Variants in ANKHD1 observed in about 807,000 individuals in gnomAD.
The protein encoded by ANKHD1 is ankyrin repeat and KH domain-containing protein 1.
In ANKHD1, 31 loss-of-function variants were observed where a neutral mutation model predicts 230.5. The observed-to-expected ratio is 0.13, with a 90% confidence interval of 0.10 to 0.18. The LOEUF (loss-of-function observed/expected upper bound fraction) is 0.18. ANKHD1 is among the 10% of genes least tolerant of loss of function. The probability of loss-of-function intolerance (pLI) is 1.00; values close to 1 mark genes in which losing one functional copy is unlikely to be tolerated. For missense variants in ANKHD1, 2,256 were observed against 3,071.3 expected, an observed-to-expected ratio of 0.73 and a Z score of 6.27; for synonymous variants, 1,074 against 1,117.6, an observed-to-expected ratio of 0.96 and a Z score of 0.78.
Position 140,402,282 on chromosome 5 carries a change from C to G in ANKHD1, c.306+9C>G. On this transcript the variant is annotated intron_variant, in intron 1 of 33. Transcript: ENST00000360839. ...AGGACGAAGTGTCCGAGGTAAGGCT[C>G]CGGGACCCTCGCCTCCCACACATTG... is the stretch of plus-strand genomic sequence containing the variant. 6.8e-7 allele frequency: 1 copy of G among 1,466,682 alleles called. No homozygotes were observed. Among genetic ancestry groups the G allele is most frequent in the East Asian group, 2.8e-5 (1 of 35,468 alleles). 90.9% of individuals were successfully genotyped at this position (1,466,682 alleles called of 1,614,324 possible). A position where few individuals can be genotyped will look rare whatever the true frequency, so the allele number is the denominator to read the frequency against.
At chr5:140,494,893 A>G (rs967668099) in intron 14 of ANKHD1, among the ~76,000 whole-genome samples, 9 of 152,232 alleles carry the variant, frequency 5.9e-5, no homozygotes, top group African/African-American at 2.2e-4. Context: ...TTTATTGTTT[A>G]ATTTACATAC....
In ANKHD1 at chr5:140,528,440, A is replaced by C; in HGVS notation, c.5494A>C (p.Asn1832His). The C allele has an allele frequency of 1.2e-6, 2 of 1,614,126 alleles. No homozygotes were observed. Among genetic ancestry groups the C allele is most frequent in the East Asian group, 2.2e-5 (1 of 44,874 alleles). The change falls in exon 29 of 34, where the codon AAT becomes CAT. Residue 1832 changes from asparagine (N) to histidine (H), a missense_variant. Around this residue, in one of 13 missense-constraint regions of ANKHD1, gnomAD observed 778 missense variants for 966.5 expected, o/e 0.80. Transcript: ENST00000360839. The part of the protein sequence containing the change: ...LSTFQPANKL[N>H]KNVPTNVRSS... ...TACGTTCCAGCCCGCTAATAAACTT[A>C]ATAAGAATGTTCCAACAAATGTACG...
At chr5:140,417,833 CTTTTTTTTTTT>C in intron 1 of ANKHD1, among the ~76,000 whole-genome samples, 1 of 106,822 alleles carries the variant, frequency 9.4e-6, no homozygotes, top group Non-Finnish European at 1.8e-5. Flanking sequence ...CCCATATAGT[CTTTTTTTTTTT>C]TTTTTTTTTT....
At chr5:140,403,382 C>T (rs1455389857) in intron 1 of ANKHD1, among the ~76,000 whole-genome samples, 4 of 151,956 alleles carry the variant, frequency 2.6e-5, no homozygotes. Context: ...TAGGCATTAA[C>T]TTCTTTTGGG....
chr5:140,410,597 A>G (rs1052989316), intron 1 of ANKHD1, among the ~76,000 whole-genome samples: 1 of 152,200 alleles, frequency 6.6e-6, no homozygotes, highest in African/African-American at 2.4e-5. Flanking sequence ...TGTAATAAAT[A>G]AAATCAATTC....
chr5:140,504,447 AT>A (rs1164360634), intron 15 of ANKHD1, among the ~76,000 whole-genome samples: 4 of 152,112 alleles, frequency 2.6e-5, no homozygotes, highest in African/African-American at 7.2e-5. Flanking sequence ...ATTTTTGGAA[AT>A]TTTTTTTCCT....
chr5:140,495,889 C>G (rs1436069350), intron 14 of ANKHD1, among the ~76,000 whole-genome samples: 2 of 152,092 alleles, frequency 1.3e-5, no homozygotes, highest in East Asian at 3.9e-4. Flanking sequence ...TAACAGTGTT[C>G]CAGTACAGAT....
chr5:140,402,460 A>G (rs545873164), intron 1 of ANKHD1, among the ~76,000 whole-genome samples, 187 bp downstream of exon 1: 60 of 152,260 alleles, frequency 3.9e-4, no homozygotes, highest in Admixed American at 3.2e-3. Context: ...CTCGAGCGGG[A>G]CAGGTTCCCG....
chr5:140,513,552 T>C, intron 24 of ANKHD1, 73 bp downstream of exon 24: 1 of 1,492,014 alleles, frequency 6.7e-7, no homozygotes, highest in Non-Finnish European at 9.1e-7. Context: ...CTCACGCCTA[T>C]GATCCCAGCA....
chr5:140,444,961 C>T (rs1350140851), intron 5 of ANKHD1, among the ~76,000 whole-genome samples: 1 of 151,992 alleles, frequency 6.6e-6, no homozygotes, highest in African/African-American at 2.4e-5. Context: ...TGAAGTGATC[C>T]TCCCACCTCT....
chr5:140,402,228 G>A lies in ANKHD1; in HGVS notation c.261G>A (p.Gly87=). 1.3e-6 allele frequency: 2 copies of A among 1,518,578 alleles called. No individual in the cohort carries two copies. The allele number at this position is 1,518,578 out of a possible 1,614,324, so 94.1% of individuals were successfully genotyped here. Residue 87 remains glycine (G), a synonymous_variant, in exon 1 of 34, where the codon GGG becomes GGA. Coordinates refer to ENST00000360839, the MANE Select transcript of ANKHD1 (RefSeq NM_017747.3). ...FKLAAAVLRT[G]GGGGASGSDE... ...TGGCGGCTGCCGTGCTGAGGACCGG[G>A]GGTGGAGGTGGTGCCTCTGGCAGTG... is the stretch of plus-strand genomic sequence containing the variant.
intron 15 of ANKHD1, among the ~76,000 whole-genome samples, chr5:140,498,713 G>A (rs867909761): frequency 2.0e-5 from 3 of 152,034 alleles, no homozygotes; most frequent in Non-Finnish European, 2.9e-5. Context: ...GTATGATTAC[G>A]AATAATAATG....
intron 5 of ANKHD1, among the ~76,000 whole-genome samples, chr5:140,444,339 A>G (rs549934376): frequency 3.9e-5 from 6 of 152,268 alleles, no homozygotes; most frequent in Non-Finnish European, 5.9e-5. Context: ...TTTCTAGTCA[A>G]GTTCGTATTT....
At position 140,539,788 on chromosome 5, in the gene ANKHD1, G is replaced by A. The variant is rs532037320; in HGVS notation, c.*370G>A. On this transcript the variant is annotated 3_prime_UTR_variant, in exon 34 of 34. Coordinates refer to ENST00000360839, the MANE Select transcript of ANKHD1 (RefSeq NM_017747.3). ...ATTTCTTGTCATATAGTGGCTCTAC[G>A]TAATGTAGCCTGTATTAATGTGAAA... 4 of 172,486 alleles carry A rather than the reference G, an allele frequency of 2.3e-5. No individual in the cohort carries two copies. Among genetic ancestry groups the A allele is most frequent in the Admixed American group, 1.2e-4 (2 of 16,920 alleles). The allele number at this position is 172,486 out of a possible 1,614,324, so 10.7% of individuals were successfully genotyped here.
chr5:140,402,050 C>T lies in ANKHD1; in HGVS notation c.83C>T (p.Ala28Val). ...GCTCCGCGATCCGCCCCAGCTGGGG[C>T]CTCGGAGCCGCCTCCGCCGGGAGGG... ...SVAPRSAPAGASEPPPPGGVG... is the reference protein window; with the variant it reads ...SVAPRSAPAGVSEPPPPGGVG... Residue 28 changes from alanine (A) to valine (V), a missense_variant, in exon 1 of 34, where the codon GCC becomes GTC. This residue lies in a region of ANKHD1 where 193 missense variants were observed against 185.8 expected (regional missense o/e 1.04). Transcript: ENST00000360839. The T allele has an allele frequency of 6.7e-7, 1 of 1,493,064 alleles. No individual in the cohort carries two copies. The highest frequency in any genetic ancestry group is 1.4e-5 in the South Asian group (1 of 74,036). 92.5% of individuals were successfully genotyped at this position (1,493,064 alleles called of 1,614,324 possible). A position where few individuals can be genotyped will look rare whatever the true frequency, so the allele number is the denominator to read the frequency against.
intron 1 of ANKHD1, among the ~76,000 whole-genome samples, chr5:140,428,100 T>C (rs1772687968): frequency 6.6e-6 from 1 of 150,976 alleles, no homozygotes; most frequent in Admixed American, 6.6e-5. Flanking sequence ...GAGGTGCTCC[T>C]CACTTCCTAG....
Position 140,496,966 on chromosome 5 carries a change from C to A in ANKHD1, c.2692C>A (p.Gln898Lys), listed in dbSNP as rs930974567. ...AGAGGATCACTTTTCAGAGTTACCT[C>A]AGGTTGACACAATCTTATTTAAAGA... ...LPEDHFSELP[Q>K]VDTILFKDND... is the part of the protein sequence containing the mutation. The change falls in exon 15 of 34, where the codon CAG (glutamine) becomes AAG (lysine). Residue 898 changes from glutamine to lysine, a missense_variant. Around this residue, in one of 13 missense-constraint regions of ANKHD1, gnomAD observed 358 missense variants for 397.7 expected, o/e 0.90. Transcript: ENST00000360839. 6 of 1,614,050 alleles carry A rather than the reference C, an allele frequency of 3.7e-6. No individual in the cohort carries two copies. In the African/African-American group the frequency reaches 5.3e-5, roughly 14 times the overall value.
At chr5:140,494,312 G>A (rs1751932879) in intron 14 of ANKHD1, among the ~76,000 whole-genome samples, 1 of 152,082 alleles carries the variant, frequency 6.6e-6, no homozygotes, top group Non-Finnish European at 1.5e-5. Context: ...CTTTTGCTCT[G>A]AAAGAATAAA....
intron 29 of ANKHD1, chr5:140,532,973 C>A: frequency 4.0e-6 from 1 of 252,596 alleles, no homozygotes; most frequent in Non-Finnish European, 8.1e-6. Flanking sequence ...TGGTGGGTGC[C>A]TGTAATCCCA....
Sources: allele counts gnomAD v4.1 joint callset (sites outside exome capture counted in the v4.1 genomes callset), GRCh38; gene constraint gnomAD v4.1.1; regional missense constraint gnomAD v4.1.1; transcripts MANE v1.5; gene names NCBI Gene and HGNC (gene_info 2026-07-23, HGNC 2026-07-21).